ADGRB3: variants seen among roughly 807,000 people sequenced by gnomAD.
ADGRB3 encodes adhesion G protein-coupled receptor B3, also known as brain-specific angiogenesis inhibitor 3.
A neutral mutation model predicts 193.4 loss-of-function variants in ADGRB3; 37 were observed. That is an observed-to-expected ratio of 0.19 (90% CI 0.15 to 0.25). The LOEUF (loss-of-function observed/expected upper bound fraction) is 0.25, where lower values mean the gene tolerates loss of function less well. Among genes scored for constraint, ADGRB3 ranks in the 10% least tolerant of loss-of-function variants. The probability of loss-of-function intolerance (pLI) is 1.00; values close to 1 mark genes in which losing one functional copy is unlikely to be tolerated. For synonymous variants in ADGRB3, 690 were observed against 644.2 expected (o/e 1.07, Z -1.08); for missense variants, 1,637 against 1,852.9 (o/e 0.88, Z 2.14).
chr6:68,719,432 TA>T (rs1765537943), intron 3 of ADGRB3, among the ~76,000 whole-genome samples: 1 of 151,784 alleles, frequency 6.6e-6, no homozygotes, highest in Admixed American at 6.6e-5. Flanking sequence ...ACAATGTAGA[TA>T]GGGGCACAAA....
At chr6:68,966,719 C>T (rs1368723084) in intron 8 of ADGRB3, among the ~76,000 whole-genome samples, 1 of 152,154 alleles carries the variant, frequency 6.6e-6, no homozygotes, top group Non-Finnish European at 1.5e-5. Flanking sequence ...AAATTATCAT[C>T]TTTATGACCA....
chr6:68,978,591 A>G (rs1768818105), intron 10 of ADGRB3, among the ~76,000 whole-genome samples: 1 of 151,426 alleles, frequency 6.6e-6, no homozygotes, highest in Admixed American at 6.6e-5. Context: ...CTGCATACTC[A>G]ATTGGAAACA....
rs1042611078 is a variant in ADGRB3, at chr6:68,661,577, G to T, written c.757+22145G>T. On this transcript the variant is annotated intron_variant, in intron 3 of 31. Transcript: ENST00000370598. ...TATATATATATATATATATAGTTATGACCTATGGCTATTTGGATTTAGATT... is the reference window on the plus strand; with the variant it reads ...TATATATATATATATATATAGTTATTACCTATGGCTATTTGGATTTAGATT... Among the ~76,000 whole-genome samples, 4 of 113,236 alleles carry T rather than the reference G, an allele frequency of 3.5e-5. 1 individual carries two copies. Among genetic ancestry groups the T allele is most frequent in the Non-Finnish European group, 7.4e-5 (4 of 54,226 alleles). 74.3% of individuals were successfully genotyped at this position (113,236 alleles called of 152,430 possible).
intron 17 of ADGRB3, among the ~76,000 whole-genome samples, chr6:69,177,383 G>A (rs1196793388): frequency 1.3e-5 from 2 of 151,516 alleles, no homozygotes; most frequent in African/African-American, 2.4e-5. Flanking sequence ...TTTAGACAGA[G>A]TCTTGCTCTG....
At chr6:69,087,562 A>C (rs1772586342) in intron 17 of ADGRB3, among the ~76,000 whole-genome samples, 1 of 152,178 alleles carries the variant, frequency 6.6e-6, no homozygotes, top group Non-Finnish European at 1.5e-5. Flanking sequence ...AGGAATAAGC[A>C]CTCACCAAAC....
chr6:68,708,751 G>C (rs1229668578), intron 3 of ADGRB3, among the ~76,000 whole-genome samples: 1 of 152,116 alleles, frequency 6.6e-6, no homozygotes, highest in Non-Finnish European at 1.5e-5. Flanking sequence ...CAGATTTAAA[G>C]CTTCCTTTGA....
intron 17 of ADGRB3, among the ~76,000 whole-genome samples, chr6:69,099,192 G>A (rs190452190): frequency 7.2e-5 from 11 of 152,224 alleles, no homozygotes; most frequent in Admixed American, 6.5e-4. Context: ...TACAATGTGT[G>A]GTCCAATTCC....
chr6:68,754,167 C>T (rs1237261599), intron 3 of ADGRB3, among the ~76,000 whole-genome samples: 4 of 152,162 alleles, frequency 2.6e-5, no homozygotes, highest in African/African-American at 9.7e-5. Context: ...GTAGAAACTG[C>T]TTTCAAGTAC....
chr6:69,211,290 G>A (rs1046721309), intron 17 of ADGRB3, among the ~76,000 whole-genome samples: 7 of 152,088 alleles, frequency 4.6e-5, no homozygotes, highest in South Asian at 4.1e-4. Context: ...GAGGTCATGC[G>A]TGATAGAGCC....
At chr6:68,743,341 G>GTT (rs111910495) in intron 3 of ADGRB3, among the ~76,000 whole-genome samples, 106 of 115,794 alleles carry the variant, frequency 9.2e-4, no homozygotes, top group African/African-American at 2.8e-3. Flanking sequence ...TCTTCTACTT[G>GTT]TTTTTTTTTT....
intron 3 of ADGRB3, among the ~76,000 whole-genome samples, chr6:68,844,263 T>A (rs543092462): frequency 6.6e-6 from 1 of 151,790 alleles, no homozygotes; most frequent in East Asian, 1.9e-4. Context: ...GAAAAATATT[T>A]GCAAACTAAC....
At chr6:68,968,714 A>G (rs915863303) in intron 8 of ADGRB3, among the ~76,000 whole-genome samples, 1 of 152,238 alleles carries the variant, frequency 6.6e-6, no homozygotes, top group East Asian at 1.9e-4. Context: ...CGTTGTATCT[A>G]GAATTCAATT....
chr6:68,832,069 A>T (rs562899936), intron 3 of ADGRB3, among the ~76,000 whole-genome samples: 186 of 152,268 alleles, frequency 1.2e-3, no homozygotes, highest in African/African-American at 4.3e-3. Context: ...ACTTCATTTT[A>T]ATTACTTGTA....
Position 68,993,957 on chromosome 6 carries a change from G to A in ADGRB3, c.1924G>A (p.Val642Ile). The change falls in exon 11 of 32, where the codon GTC becomes ATC. Residue 642 changes from valine to isoleucine, a missense_variant. Val to Ile is a conservative substitution (Grantham distance 29, BLOSUM62 3). Transcript: ENST00000370598. ...RASYIPASDG[V>I]QNFFQIVSNL... ...AAGTTACATCCCTGCATCTGATGGT[G>A]TCCAGGTAAGGGAGACAAGTTCGTG... 1 of 1,613,168 alleles carries A rather than the reference G, an allele frequency of 6.2e-7. No homozygotes were observed. The highest frequency in any genetic ancestry group is 8.5e-7 in the Non-Finnish European group (1 of 1,179,334).
intron 23 of ADGRB3, chr6:69,331,659 C>G: frequency 1.0e-6 from 1 of 985,258 alleles, no homozygotes; most frequent in Non-Finnish European, 1.2e-6. Context: ...CCTTTTTTGT[C>G]TGCTGCTTTG....
chr6:68,815,602 A>AT (rs1767615363), intron 3 of ADGRB3, among the ~76,000 whole-genome samples: 2 of 86,408 alleles, frequency 2.3e-5, no homozygotes, highest in Non-Finnish European at 4.5e-5. Flanking sequence ...ACCATCAAAA[A>AT]TTGTGTGTGT....
intron 17 of ADGRB3, among the ~76,000 whole-genome samples, chr6:69,149,075 T>C (rs1478830716): frequency 1.3e-5 from 2 of 152,172 alleles, no homozygotes; most frequent in Non-Finnish European, 2.9e-5. Flanking sequence ...AATATTGATA[T>C]TTTTCACTAG....
chr6:69,218,797 A>C (rs1316120053), intron 17 of ADGRB3, among the ~76,000 whole-genome samples: 4 of 152,176 alleles, frequency 2.6e-5, no homozygotes, highest in Admixed American at 2.6e-4. Context: ...GGGGTCATAC[A>C]CAATGGATTT....
chr6:69,232,822 C>A (rs1582564337), intron 17 of ADGRB3, among the ~76,000 whole-genome samples: 1 of 152,318 alleles, frequency 6.6e-6, no homozygotes, highest in Non-Finnish European at 1.5e-5. Flanking sequence ...TTTAGTCAGG[C>A]TTTTCAAAGA....
Sources: gnomAD v4.1 joint callset for allele counts (sites outside exome capture counted in the v4.1 genomes callset) on GRCh38, gnomAD v4.1.1 for gene constraint, MANE v1.5 for transcripts, NCBI Gene and HGNC (gene_info 2026-07-23, HGNC 2026-07-21) for gene names.